Variants in ALCAM observed in about 807,000 individuals in gnomAD.
ALCAM encodes the protein activated leukocyte cell adhesion molecule, also known as CD166 antigen.
In ALCAM, 30 loss-of-function variants were observed where a neutral mutation model predicts 70.9. The observed-to-expected ratio is 0.42, with a 90% CI of 0.32 to 0.57. The LOEUF is 0.57. Ranked by LOEUF, ALCAM falls within the 20% of genes least tolerant of loss-of-function variation. ALCAM has a pLI of 0.11. For synonymous variants in ALCAM, 249 were observed against 242.5 expected, an observed-to-expected ratio of 1.03 and a Z score of -0.25; for missense variants, 591 against 695.1, an observed-to-expected ratio of 0.85 and a Z score of 1.68.
intron 1 of ALCAM, among the ~76,000 whole-genome samples, chr3:105,416,256 C>T (rs1006868889): frequency 6.6e-6 from 1 of 152,010 alleles, no homozygotes; most frequent in African/African-American, 2.4e-5. Context: ...TAAGGGAAGA[C>T]TTTAATGTGC....
At chr3:105,485,068 A>G (rs1469129318) in intron 1 of ALCAM, among the ~76,000 whole-genome samples, 5 of 152,120 alleles carry the variant, frequency 3.3e-5, no homozygotes, top group Non-Finnish European at 2.9e-5. Context: ...TTCAATTTTT[A>G]TCTATCAAAT....
intron 1 of ALCAM, among the ~76,000 whole-genome samples, chr3:105,467,063 T>G (rs1474015496): frequency 6.6e-6 from 1 of 151,452 alleles, no homozygotes; most frequent in Non-Finnish European, 1.5e-5. Flanking sequence ...TGTGTAACTT[T>G]GGAGATGTAA....
At chr3:105,491,848 C>T (rs878890274) in intron 1 of ALCAM, among the ~76,000 whole-genome samples, 1 of 152,204 alleles carries the variant, frequency 6.6e-6, no homozygotes, top group Admixed American at 6.5e-5. Context: ...TTTCCCACAT[C>T]TTCCTGTCTT....
At chr3:105,405,928 T>C (rs893452123) in intron 1 of ALCAM, among the ~76,000 whole-genome samples, 1 of 152,162 alleles carries the variant, frequency 6.6e-6, no homozygotes, top group Non-Finnish European at 1.5e-5. Flanking sequence ...CATAATGAGA[T>C]GCAGATAAAC....
intron 1 of ALCAM, among the ~76,000 whole-genome samples, chr3:105,446,449 C>G (rs1283590560): frequency 6.6e-6 from 1 of 152,078 alleles, no homozygotes; most frequent in East Asian, 1.9e-4. Context: ...ACCATAAAAT[C>G]CAGCAGTTGC....
chr3:105,538,234 G>C (rs1035478772), intron 6 of ALCAM, among the ~76,000 whole-genome samples: 1 of 152,064 alleles, frequency 6.6e-6, no homozygotes, highest in Non-Finnish European at 1.5e-5. Context: ...CATGGACTAG[G>C]GAAGTGTTAG....
chr3:105,487,960 A>G (rs1938476630), intron 1 of ALCAM, among the ~76,000 whole-genome samples: 1 of 152,124 alleles, frequency 6.6e-6, no homozygotes, highest in Non-Finnish European at 1.5e-5. Flanking sequence ...TATGATCTCC[A>G]ATGTCGGAAG....
chr3:105,405,453 G>A (rs536879468), intron 1 of ALCAM, among the ~76,000 whole-genome samples: 74 of 151,942 alleles, frequency 4.9e-4, no homozygotes, highest in Non-Finnish European at 8.2e-4. Context: ...CACAATAATA[G>A]TGACGGACTT....
At chr3:105,436,473 G>C (rs1051904739) in intron 1 of ALCAM, among the ~76,000 whole-genome samples, 1 of 151,878 alleles carries the variant, frequency 6.6e-6, no homozygotes, top group Non-Finnish European at 1.5e-5. Context: ...GACTATAGGT[G>C]CCTGCCACCA....
intron 1 of ALCAM, among the ~76,000 whole-genome samples, chr3:105,493,700 T>C (rs1022144140): frequency 6.6e-6 from 1 of 152,200 alleles, no homozygotes; most frequent in African/African-American, 2.4e-5. Context: ...AACAATCTGC[T>C]GACACCTTGA....
At chr3:105,495,327 T>A (rs1938703906) in intron 1 of ALCAM, among the ~76,000 whole-genome samples, 1 of 152,196 alleles carries the variant, frequency 6.6e-6, no homozygotes. Flanking sequence ...ATATCTCAGA[T>A]TCTCTATAAG....
intron 3 of ALCAM, among the ~76,000 whole-genome samples, chr3:105,528,722 C>T (rs549336025): frequency 9.8e-4 from 149 of 152,028 alleles, no homozygotes; most frequent in African/African-American, 3.5e-3. Flanking sequence ...CACACTGGGG[C>T]CTTTCAGAGG....
chr3:105,571,556 T>C (rs183077234), intron 14 of ALCAM, among the ~76,000 whole-genome samples: 180 of 152,264 alleles, frequency 1.2e-3, no homozygotes, highest in African/African-American at 4.2e-3. Context: ...TCCCAGAAAG[T>C]GGAGAGAAAA....
intron 3 of ALCAM, among the ~76,000 whole-genome samples, chr3:105,529,878 A>G (rs1939796373): frequency 6.6e-6 from 1 of 152,138 alleles, no homozygotes; most frequent in African/African-American, 2.4e-5. Context: ...GAGAAAGAGT[A>G]TGTGCACAAC....
intron 1 of ALCAM, among the ~76,000 whole-genome samples, chr3:105,489,194 A>G (rs181936457): frequency 2.6e-5 from 4 of 152,196 alleles, no homozygotes. Context: ...CTCAAAATCA[A>G]TGCATCTCAA....
At chr3:105,394,907 G>A (rs1256401189) in intron 1 of ALCAM, among the ~76,000 whole-genome samples, 1 of 151,928 alleles carries the variant, frequency 6.6e-6, no homozygotes, top group Non-Finnish European at 1.5e-5. Context: ...AGACCTGTAA[G>A]GTTTGGTTGT....
intron 1 of ALCAM, among the ~76,000 whole-genome samples, chr3:105,456,707 A>G (rs1937539348): frequency 6.6e-6 from 1 of 152,210 alleles, no homozygotes; most frequent in African/African-American, 2.4e-5. Flanking sequence ...TATAAGCCCA[A>G]AATGGCATGA....
chr3:105,396,961 C>A (rs181091540), intron 1 of ALCAM, among the ~76,000 whole-genome samples: 1 of 152,116 alleles, frequency 6.6e-6, no homozygotes, highest in East Asian at 1.9e-4. Context: ...TGACAGGTTT[C>A]CTATTGTAGA....
intron 1 of ALCAM, among the ~76,000 whole-genome samples, chr3:105,441,539 G>A (rs1372282587): frequency 6.6e-6 from 1 of 152,198 alleles, no homozygotes; most frequent in East Asian, 1.9e-4. Flanking sequence ...ATATGGAGCT[G>A]TAAATCATCA....
Sources: gnomAD v4.1 joint callset for allele counts (sites outside exome capture counted in the v4.1 genomes callset) on GRCh38, gnomAD v4.1.1 for gene constraint, MANE v1.5 for transcripts, NCBI Gene and HGNC (gene_info 2026-07-23, HGNC 2026-07-21) for gene names.